The following DLG2 variants were observed in gnomAD, a reference collection of about 807,000 sequenced individuals.
DLG2 encodes disks large homolog 2.
In DLG2, 45 loss-of-function variants were observed where a neutral mutation model predicts 132.5. That is an observed-to-expected ratio of 0.34 (90% confidence interval 0.27 to 0.44). DLG2 has a LOEUF of 0.44. DLG2 is among the 20% of genes least tolerant of loss of function. The probability of loss-of-function intolerance (pLI) is 1.00; values close to 1 mark genes in which losing one functional copy is unlikely to be tolerated. For missense variants in DLG2, 1,045 were observed against 1,196.9 expected (o/e 0.87, Z 1.87); for synonymous variants, 424 against 419.6 (o/e 1.01, Z -0.13).
intron 9 of DLG2, among the ~76,000 whole-genome samples, chr11:84,117,949 A>G (rs1465921396): frequency 6.6e-6 from 1 of 152,008 alleles, no homozygotes; most frequent in African/African-American, 2.4e-5. Flanking sequence ...TCTGTCTCCC[A>G]GGTTCAAGCG....
chr11:84,472,824 A>T (rs993019501), intron 7 of DLG2, among the ~76,000 whole-genome samples: 4 of 152,044 alleles, frequency 2.6e-5, no homozygotes, highest in African/African-American at 9.7e-5. Flanking sequence ...CTTCTGATAA[A>T]TATTTATCCT....
intron 21 of DLG2, among the ~76,000 whole-genome samples, chr11:83,501,202 C>CTTTTTTTTTTTTTTTTTTTTTTTT (rs66954557): frequency 1.5e-5 from 2 of 137,624 alleles, no homozygotes; most frequent in African/African-American, 2.7e-5. Flanking sequence ...TTTTTCTTTT[C>CTTTTTTTTTTTTTTTTTTTTTTTT]TTTTTTTTTT....
At chr11:84,603,273 C>T (rs555565984) in intron 6 of DLG2, among the ~76,000 whole-genome samples, 88 of 151,992 alleles carry the variant, frequency 5.8e-4, no homozygotes, top group African/African-American at 2.0e-3. Context: ...TATCTCTATG[C>T]ACCCGGATCA....
At chr11:84,156,426 C>T (rs1002380031) in intron 9 of DLG2, among the ~76,000 whole-genome samples, 2 of 152,150 alleles carry the variant, frequency 1.3e-5, no homozygotes, top group Admixed American at 6.5e-5. Flanking sequence ...CTGACCAGCA[C>T]GCATGATTAC....
intron 6 of DLG2, among the ~76,000 whole-genome samples, chr11:84,581,289 T>C (rs1375847877): frequency 6.6e-6 from 1 of 152,232 alleles, no homozygotes; most frequent in Non-Finnish European, 1.5e-5. Flanking sequence ...AGTCGGTTTT[T>C]CTGTCTCTCA....
At chr11:85,600,269 T>C (rs2080060951) in intron 2 of DLG2, among the ~76,000 whole-genome samples, 1 of 152,236 alleles carries the variant, frequency 6.6e-6, no homozygotes. Flanking sequence ...TGTTCCATTA[T>C]CAATTGCTTT....
chr11:83,899,294 T>C (rs558611265), intron 15 of DLG2, among the ~76,000 whole-genome samples: 5 of 150,922 alleles, frequency 3.3e-5, no homozygotes, highest in Non-Finnish European at 5.9e-5. Context: ...TGGATCTCTG[T>C]CTCCAAACAC....
chr11:84,506,949 A>T (rs1433386410), intron 7 of DLG2, among the ~76,000 whole-genome samples: 2 of 152,212 alleles, frequency 1.3e-5, no homozygotes, highest in African/African-American at 4.8e-5. Flanking sequence ...TAGTTGGCTA[A>T]GGTCATTCTA....
At chr11:83,759,933 T>C (rs1181939473) in intron 18 of DLG2, among the ~76,000 whole-genome samples, 1 of 152,216 alleles carries the variant, frequency 6.6e-6, no homozygotes, top group Non-Finnish European at 1.5e-5. Flanking sequence ...CAAAACGGAA[T>C]CTTGAAGCTC....
At chr11:85,524,841 T>A (rs1201162834) in intron 3 of DLG2, 4 of 151,840 alleles carry the variant, frequency 2.6e-5, no homozygotes, top group Non-Finnish European at 5.9e-5. Context: ...GCAAACTCAA[T>A]CTCTGGTTAT....
chr11:84,121,615 G>C (rs2093921568), intron 9 of DLG2, among the ~76,000 whole-genome samples: 1 of 126,024 alleles, frequency 7.9e-6, no homozygotes, highest in Non-Finnish European at 1.6e-5. Context: ...AGGCTGGAGT[G>C]CAGTGGCACG....
At chr11:84,166,522 A>AAAAGAAAG (rs539763492) in intron 8 of DLG2, among the ~76,000 whole-genome samples, 6,607 of 141,400 alleles carry the variant, frequency 0.047, 191 homozygotes, top group African/African-American at 0.058. Flanking sequence ...AAAAAAAAAG[A>AAAAGAAAG]AAAGAAAGAA....
At chr11:85,608,587 A>G (rs2153264534) in intron 2 of DLG2, among the ~76,000 whole-genome samples, 1 of 152,020 alleles carries the variant, frequency 6.6e-6, no homozygotes, top group East Asian at 1.9e-4. Context: ...CCTTCCCATT[A>G]AGGATAAGCC....
At chr11:85,355,391 A>G (rs1483350416) in intron 3 of DLG2, among the ~76,000 whole-genome samples, 1 of 152,062 alleles carries the variant, frequency 6.6e-6, no homozygotes, top group African/African-American at 2.4e-5. Context: ...TTTTTTCCAA[A>G]AATACCTATC....
At chr11:84,390,896 C>T (rs1406611212) in intron 7 of DLG2, among the ~76,000 whole-genome samples, 2 of 152,140 alleles carry the variant, frequency 1.3e-5, no homozygotes, top group Non-Finnish European at 2.9e-5. Flanking sequence ...GCTCCTTCCT[C>T]TTGTAATGAT....
chr11:84,633,709 T>C (rs915304140), intron 6 of DLG2, among the ~76,000 whole-genome samples: 1 of 152,150 alleles, frequency 6.6e-6, no homozygotes, highest in Non-Finnish European at 1.5e-5. Context: ...CTCAATACAC[T>C]GTCATTGTTA....
chr11:84,309,643 G>A (rs181746628), intron 7 of DLG2, among the ~76,000 whole-genome samples: 127 of 152,318 alleles, frequency 8.3e-4, no homozygotes, highest in African/African-American at 2.9e-3. Flanking sequence ...GAGAATGAAT[G>A]AGAATAAAAC....
intron 18 of DLG2, among the ~76,000 whole-genome samples, chr11:83,687,871 A>G (rs1486147998): frequency 6.6e-6 from 1 of 152,064 alleles, no homozygotes. Context: ...TCATGATGGC[A>G]TACATCTGAA....
intron 19 of DLG2, among the ~76,000 whole-genome samples, chr11:83,547,840 T>C (rs4316529): frequency 0.37 from 56,037 of 152,008 alleles, 10,470 homozygotes; most frequent in Middle Eastern, 0.46. Flanking sequence ...GGAAGTGAGG[T>C]GCTATGTAAC....
Sources: gnomAD v4.1 joint callset for allele counts (sites outside exome capture counted in the v4.1 genomes callset) on GRCh38, gnomAD v4.1.1 for gene constraint, MANE v1.5 for transcripts, NCBI Gene and HGNC (gene_info 2026-07-23, HGNC 2026-07-21) for gene names.